MITF: variants seen among roughly 807,000 people sequenced by gnomAD.
MITF encodes microphthalmia-associated transcription factor.
MITF carries 17 observed loss-of-function variants against 60.5 expected under a neutral mutation model. That is an observed-to-expected ratio of 0.28 (90% CI 0.19 to 0.42). MITF has a LOEUF of 0.42. Among genes scored for constraint, MITF ranks in the 10% least tolerant of loss-of-function variants. The pLI, the probability that MITF is intolerant of heterozygous loss-of-function variation, is 1.00. For synonymous variants in MITF, 260 were observed against 248.5 expected, an observed-to-expected ratio of 1.05 and a Z score of -0.43; for missense variants, 622 against 683.5, an observed-to-expected ratio of 0.91 and a Z score of 1.00.
chr3:69,798,003 A>G (rs1312914877), intron 1 of MITF, among the ~76,000 whole-genome samples: 1 of 152,270 alleles, frequency 6.6e-6, no homozygotes, highest in African/African-American at 2.4e-5. Flanking sequence ...CAAATTGAAG[A>G]GGAAAATCCA....
intron 1 of MITF, among the ~76,000 whole-genome samples, chr3:69,770,809 T>C (rs1264771213): frequency 6.6e-6 from 1 of 152,198 alleles, no homozygotes; most frequent in Non-Finnish European, 1.5e-5. Flanking sequence ...TGGTTAAATC[T>C]GGAGGCCAAG....
At chr3:69,897,191 G>C (rs1235710003) in intron 2 of MITF, among the ~76,000 whole-genome samples, 1 of 152,158 alleles carries the variant, frequency 6.6e-6, no homozygotes, top group African/African-American at 2.4e-5. Context: ...GAAGAAGGTG[G>C]TTAAGGTGGA....
At chr3:69,875,145 G>A (rs891434561) in intron 1 of MITF, among the ~76,000 whole-genome samples, 9 of 152,330 alleles carry the variant, frequency 5.9e-5, no homozygotes, top group African/African-American at 2.2e-4. Flanking sequence ...ATGCAGCTCG[G>A]CAGTGACTGA....
intron 1 of MITF, among the ~76,000 whole-genome samples, chr3:69,827,495 G>C (rs1336517551): frequency 2.0e-5 from 3 of 152,168 alleles, no homozygotes; most frequent in Non-Finnish European, 2.9e-5. Flanking sequence ...CCACAGAGTG[G>C]CTCTTAGAAC....
intron 1 of MITF, among the ~76,000 whole-genome samples, chr3:69,779,414 T>C (rs1347829436): frequency 6.6e-6 from 1 of 152,188 alleles, no homozygotes; most frequent in Non-Finnish European, 1.5e-5. Flanking sequence ...TAGGGAAAGA[T>C]TAATTTCTGC....
intron 1 of MITF, among the ~76,000 whole-genome samples, chr3:69,844,929 G>A (rs780774416): frequency 2.6e-5 from 4 of 151,984 alleles, no homozygotes; most frequent in South Asian, 4.1e-4. Context: ...ATAAAGTATT[G>A]CCATTTTCCT....
chr3:69,833,679 GTGGT>G (rs2063491462), intron 1 of MITF, among the ~76,000 whole-genome samples: 1 of 42,054 alleles, frequency 2.4e-5, no homozygotes, highest in Non-Finnish European at 1.1e-4. Flanking sequence ...TACACTGTAT[GTGGT>G]TCTCTGTTTA....
chr3:69,805,524 G>T (rs1229952921), intron 1 of MITF, among the ~76,000 whole-genome samples: 1 of 151,960 alleles, frequency 6.6e-6, no homozygotes, highest in African/African-American at 2.4e-5. Context: ...CTGTGTATTT[G>T]CTTATTTGTT....
chr3:69,835,831 C>T (rs867533128), intron 1 of MITF, among the ~76,000 whole-genome samples: 2 of 151,960 alleles, frequency 1.3e-5, no homozygotes. Context: ...TTTCATTGGT[C>T]TTTGTGTGTG....
At chr3:69,863,431 T>A (rs763847135) in intron 1 of MITF, among the ~76,000 whole-genome samples, 1 of 152,220 alleles carries the variant, frequency 6.6e-6, no homozygotes, top group Non-Finnish European at 1.5e-5. Flanking sequence ...AATAGAAATA[T>A]TTCTTGAGGC....
chr3:69,937,345 A>G (rs1398061051), intron 2 of MITF, among the ~76,000 whole-genome samples: 1 of 150,552 alleles, frequency 6.6e-6, no homozygotes, highest in East Asian at 2.0e-4. Flanking sequence ...CAGCCATTTT[A>G]CACAGTTGGT....
chr3:69,866,321 C>G, intron 1 of MITF: 1 of 1,613,812 alleles, frequency 6.2e-7, no homozygotes, highest in Non-Finnish European at 8.5e-7. Flanking sequence ...GATGTTCATG[C>G]CATGCTCCTT....
chr3:69,959,397 C>G lies in MITF; in HGVS notation c.1156C>G (p.Arg386Gly), dbSNP rs771113831. The change falls in exon 9 of 10, where the codon CGG becomes GGG. Residue 386 changes from arginine to glycine, a missense_variant. Around this residue, in one of 5 missense-constraint regions of MITF, gnomAD observed 224 missense variants for 209.5 expected, o/e 1.07. Coordinates refer to ENST00000352241, the MANE Select transcript of MITF (RefSeq NM_001354604.2). ...ACAGAAGAAACTGGAGCACGCCAAC[C>G]GGCATTTGTTGCTCAGAATACAGGT... ...NRQKKLEHAN[R>G]HLLLRIQELE... 2 of 1,613,872 alleles carry G rather than the reference C, an allele frequency of 1.2e-6. No individual in the cohort carries two copies. The highest frequency in any genetic ancestry group is 1.7e-6 in the Non-Finnish European group (2 of 1,179,864).
Position 69,853,380 on chromosome 3 carries a change from A to G in MITF, c.105-25754A>G, listed in dbSNP as rs543465999. Among the ~76,000 whole-genome samples, 17 of 152,282 alleles carry G rather than the reference A, an allele frequency of 1.1e-4. No homozygotes were observed. In the South Asian group the frequency reaches 3.5e-3, roughly 32 times the overall value. ...TCTTAATGTCTTTAAAGAGTAGTTTATACTTGCCGTATCCATTTCTTTACT... is the reference window on the plus strand; with the variant it reads ...TCTTAATGTCTTTAAAGAGTAGTTTGTACTTGCCGTATCCATTTCTTTACT... On this transcript the variant is annotated intron_variant, in intron 1 of 9. Transcript: ENST00000352241.
rs925602408 is a variant in MITF, at chr3:69,839,532, G to A, written c.105-39602G>A. ...CTCTAATGAATAACGGAATTTTGAC[G>A]TGCTCTTTCAAAGGAAGAGTCTAGT... On this transcript the variant is annotated intron_variant, in intron 1 of 9. Transcript: ENST00000352241. 7.3e-5 allele frequency among the ~76,000 whole-genome samples: 11 copies of A among 151,314 alleles called. No individual in the cohort carries two copies. The South Asian group carries it at 1.3e-3, about 17-fold the overall frequency.
intron 1 of MITF, among the ~76,000 whole-genome samples, chr3:69,813,073 A>G (rs924703958): frequency 6.6e-6 from 1 of 152,156 alleles, no homozygotes; most frequent in Non-Finnish European, 1.5e-5. Flanking sequence ...CAATTATACA[A>G]TTGGAATAGA....
chr3:69,776,232 G>C (rs1038173548), intron 1 of MITF, among the ~76,000 whole-genome samples: 1 of 152,206 alleles, frequency 6.6e-6, no homozygotes, highest in African/African-American at 2.4e-5. Context: ...TTGTAAAGTG[G>C]AGATAAAAAT....
chr3:69,875,640 G>A (rs1334235696), intron 1 of MITF, among the ~76,000 whole-genome samples: 2 of 152,142 alleles, frequency 1.3e-5, no homozygotes, highest in Non-Finnish European at 2.9e-5. Flanking sequence ...TCAGCATCAC[G>A]TCCTCGTTTT....
At chr3:69,771,636 C>T (rs565771746) in intron 1 of MITF, among the ~76,000 whole-genome samples, 2 of 152,204 alleles carry the variant, frequency 1.3e-5, no homozygotes, top group African/African-American at 2.4e-5. Context: ...GTAAGTGTTA[C>T]CATTGCAGTA....
Sources: allele counts gnomAD v4.1 joint callset (sites outside exome capture counted in the v4.1 genomes callset), GRCh38; gene constraint gnomAD v4.1.1; regional missense constraint gnomAD v4.1.1; transcripts MANE v1.5; gene names NCBI Gene and HGNC (gene_info 2026-07-23, HGNC 2026-07-21).